Variants in MS4A10 observed in about 807,000 individuals in gnomAD.
MS4A10 encodes the protein membrane-spanning 4-domains subfamily A member 10.
Under a neutral mutation model 27.7 loss-of-function variants are expected in MS4A10, and 27 were observed. That is an observed-to-expected ratio of 0.98 (90% CI 0.72 to 1.35). The LOEUF (loss-of-function observed/expected upper bound fraction) is 1.35. Among genes scored for constraint, MS4A10 ranks in the 40% most tolerant of loss-of-function variants. The probability of loss-of-function intolerance (pLI) is 0.00; values close to 1 mark genes in which losing one functional copy is unlikely to be tolerated. For synonymous variants in MS4A10, 139 were observed against 131.2 expected (o/e 1.06, Z -0.41); for missense variants, 338 against 324.7 (o/e 1.04, Z -0.32).
At chr11:60,790,276 T>G in intron 1 of MS4A10, 38 bp from the exon 2 acceptor site, 1 of 1,561,276 alleles carries the variant, frequency 6.4e-7, no homozygotes, top group Non-Finnish European at 8.8e-7. Flanking sequence ...GCCTCAGAAA[T>G]GAGACGGGTT....
At chr11:60,787,429 C>T (rs549198088) in intron 1 of MS4A10, among the ~76,000 whole-genome samples, 2 of 152,270 alleles carry the variant, frequency 1.3e-5, no homozygotes, top group East Asian at 3.9e-4. Context: ...AACTTTTCCC[C>T]ATGATGACTA....
intron 6 of MS4A10, among the ~76,000 whole-genome samples, chr11:60,797,173 G>A (rs757770201): frequency 2.6e-5 from 4 of 152,162 alleles, no homozygotes; most frequent in Non-Finnish European, 4.4e-5. Context: ...AGTCACTGAG[G>A]CCAACCCCAC....
rs190201050 is a variant in MS4A10, at chr11:60,798,262, G to A, written c.604-134G>A. ...CACACTGGTCTATGGAAGTCGCTTC[G>A]TCTCTCAAGCCTCAGTTTCCCCACA... On this transcript the variant is annotated intron_variant, in intron 6 of 7. Transcript: ENST00000308287. 549 of 695,820 alleles carry A rather than the reference G, an allele frequency of 7.9e-4. 2 individuals carry two copies. Among genetic ancestry groups the A allele is most frequent in the Middle Eastern group, 2.0e-3 (7 of 3,480 alleles). The allele number at this position is 695,820 out of a possible 1,614,324, so 43.1% of individuals were successfully genotyped here. A position where few individuals can be genotyped will look rare whatever the true frequency, so the allele number is the denominator to read the frequency against.
At chr11:60,786,386 C>T (rs566953589) in intron 1 of MS4A10, among the ~76,000 whole-genome samples, 11 of 152,232 alleles carry the variant, frequency 7.2e-5, no homozygotes, top group Non-Finnish European at 1.5e-4. Context: ...AACAAATCCA[C>T]GAATGACAGT....
At chr11:60,792,731 G>A (rs1217437459) in intron 4 of MS4A10, among the ~76,000 whole-genome samples, 6 of 152,170 alleles carry the variant, frequency 3.9e-5, no homozygotes, top group African/African-American at 9.7e-5. Flanking sequence ...CAGATGGAAC[G>A]GTGGTCCTCC....
chr11:60,792,729 A>G (rs1437089075), intron 4 of MS4A10, among the ~76,000 whole-genome samples: 1 of 152,190 alleles, frequency 6.6e-6, no homozygotes, highest in Non-Finnish European at 1.5e-5. Flanking sequence ...GGCAGATGGA[A>G]CGGTGGTCCT....
chr11:60,799,934 A>T lies in MS4A10; in HGVS notation c.*25A>T. The T allele has an allele frequency of 6.2e-7, 1 of 1,614,078 alleles. No homozygotes were observed. ...AAGAGCCACTGCCTGACAATGCCCA[A>T]ACTTGGTTGGAGCATAGCCCCTGCT... On this transcript the variant is annotated 3_prime_UTR_variant, in exon 8 of 8. Transcript: ENST00000308287.
At chr11:60,798,319 C>A in intron 6 of MS4A10, 77 bp from the exon 7 acceptor site, 1 of 1,122,680 alleles carries the variant, frequency 8.9e-7, no homozygotes, top group Non-Finnish European at 1.3e-6. Flanking sequence ...CAGAAGTGAA[C>A]TAGCAGAGAA....
At chr11:60,790,595 C>G in intron 2 of MS4A10, 77 bp downstream of exon 2, 1 of 1,511,936 alleles carries the variant, frequency 6.6e-7, no homozygotes. Context: ...TGGGGGGCCC[C>G]AAGGGAAGAA....
chr11:60,798,797 TTCCCTGCCAGCC>T (rs1449575237), intron 7 of MS4A10, among the ~76,000 whole-genome samples: 1 of 152,218 alleles, frequency 6.6e-6, no homozygotes, highest in Admixed American at 6.5e-5. Context: ...ACCCATCGCC[TTCCCTGCCAGCC>T]TCCAGAGCAA....
rs770093890 is a variant in MS4A10 at position 60,797,584 on chromosome 11, C to T, written c.604-812C>T. On this transcript the variant is annotated intron_variant, in intron 6 of 7. Transcript: ENST00000308287. ...CCTCCAATAACCCTGTCTCCCTCTTCTACCTTTAAGGACCCTTATCATCAT... is the reference window on the plus strand; with the variant it reads ...CCTCCAATAACCCTGTCTCCCTCTTTTACCTTTAAGGACCCTTATCATCAT... Among the ~76,000 whole-genome samples, 7 of 152,200 alleles carry T rather than the reference C, an allele frequency of 4.6e-5. 1 individual carries two copies. The highest frequency in any genetic ancestry group is 1.0e-4 in the Non-Finnish European group (7 of 68,034).
Position 60,790,476 on chromosome 11 carries a change from C to T in MS4A10, c.141C>T (p.His47=), listed in dbSNP as rs760396522. The change falls in exon 2 of 8, where the codon CAC becomes CAT. Residue 47 remains histidine, a synonymous_variant. Coordinates refer to ENST00000308287, the MANE Select transcript of MS4A10 (RefSeq NM_206893.4). ...CCAAGCTCCTGGCTCCACACCAGCA[C>T]GAGAAGTCCCAGAAGAAGAGCAGCC... ...TQPKLLAPHQ[H]EKSQKKSSLL... is the part of the protein sequence containing the mutation. 3.8e-5 allele frequency: 61 copies of T among 1,614,038 alleles called. No homozygotes were observed. The highest frequency in any genetic ancestry group is 6.7e-5 in the Admixed American group (4 of 59,996).
At chr11:60,792,162 C>T in intron 3 of MS4A10, 103 bp from the exon 4 acceptor site, 1 of 900,606 alleles carries the variant, frequency 1.1e-6, no homozygotes, top group Non-Finnish European at 1.8e-6. Context: ...GCCCCACTGG[C>T]CGCCAAGGGT....
chr11:60,789,263 T>C (rs1854387717), intron 1 of MS4A10, among the ~76,000 whole-genome samples: 1 of 152,176 alleles, frequency 6.6e-6, no homozygotes, highest in African/African-American at 2.4e-5. Flanking sequence ...GATTTGCTCA[T>C]TAGCCCCATC....
chr11:60,787,276 GC>G (rs1385264444), intron 1 of MS4A10, among the ~76,000 whole-genome samples: 1 of 152,146 alleles, frequency 6.6e-6, no homozygotes, highest in Non-Finnish European at 1.5e-5. Flanking sequence ...CCTGCTGCCT[GC>G]CCCCTCTCTG....
intron 7 of MS4A10, among the ~76,000 whole-genome samples, 169 bp downstream of exon 7, chr11:60,798,683 C>A (rs946334350): frequency 1.3e-5 from 2 of 152,208 alleles, no homozygotes; most frequent in Non-Finnish European, 1.5e-5. Context: ...AGCAATGGTC[C>A]TATCCCCTCA....
chr11:60,792,188 A>C, intron 3 of MS4A10, 77 bp from the exon 4 acceptor site: 3 of 1,058,184 alleles, frequency 2.8e-6, no homozygotes, highest in Non-Finnish European at 1.4e-6. Flanking sequence ...TTCTTGGAGA[A>C]TAGGGGTGGG....
intron 7 of MS4A10, among the ~76,000 whole-genome samples, chr11:60,799,474 T>C (rs764407891): frequency 2.6e-5 from 4 of 152,192 alleles, no homozygotes; most frequent in Non-Finnish European, 5.9e-5. Flanking sequence ...TATCTTTCCA[T>C]AAACAGAAGC....
intron 1 of MS4A10, among the ~76,000 whole-genome samples, chr11:60,786,475 A>G (rs1322313574): frequency 6.7e-6 from 1 of 149,912 alleles, no homozygotes; most frequent in Non-Finnish European, 1.5e-5. Context: ...CCAGGGCCCC[A>G]GAGCTCTCAC....
Sources: allele counts gnomAD v4.1 joint callset (sites outside exome capture counted in the v4.1 genomes callset), GRCh38; gene constraint gnomAD v4.1.1; transcripts MANE v1.5; gene names NCBI Gene and HGNC (gene_info 2026-07-23, HGNC 2026-07-21).